GRM4: variants seen among roughly 807,000 people sequenced by gnomAD.
GRM4 encodes glutamate metabotropic receptor 4.
A neutral mutation model predicts 81.7 loss-of-function variants in GRM4; 28 were observed. The ratio of observed to expected loss-of-function variants is 0.34; its 90% confidence interval spans 0.25 to 0.47. The LOEUF (loss-of-function observed/expected upper bound fraction) is 0.47. GRM4 is among the 20% of genes least tolerant of loss of function. The pLI, the probability that GRM4 is intolerant of heterozygous loss-of-function variation, is 1.00. For missense variants in GRM4, 948 were observed against 1,290.0 expected (o/e 0.73, Z 4.06); for synonymous variants, 488 against 528.8 (o/e 0.92, Z 1.06).
At position 34,121,294 on chromosome 6, in the gene GRM4, C is replaced by G. The variant is rs1035671425; in HGVS notation, c.519+11684G>C. 1.3e-5 allele frequency among the ~76,000 whole-genome samples: 2 copies of G among 152,228 alleles called. No individual in the cohort carries two copies. Among genetic ancestry groups the G allele is most frequent in the Non-Finnish European group, 2.9e-5 (2 of 68,042 alleles). On this transcript the variant is annotated intron_variant, in intron 2 of 10. Coordinates refer to ENST00000538487, the MANE Select transcript of GRM4 (RefSeq NM_000841.4). The surrounding 1 kb of genome is among the most constrained non-coding windows in gnomAD (Gnocchi z 4.6). ...GGGATTAAGGGTTGTTCTCTTCCAG[C>G]TGCTCTGCTGTGGGGACCTCACTGG...
chr6:34,137,913 T>G (rs1770526562), intron 1 of GRM4, among the ~76,000 whole-genome samples: 1 of 152,068 alleles, frequency 6.6e-6, no homozygotes, highest in South Asian at 2.1e-4. Flanking sequence ...TAGTATAATA[T>G]TAACAAGCAG....
Position 34,133,338 on chromosome 6 carries a change from G to A in GRM4, c.159C>T (p.Gly53=). 1 of 1,614,082 alleles carries A rather than the reference G, an allele frequency of 6.2e-7. No homozygotes were observed. Among genetic ancestry groups the A allele is most frequent in the African/African-American group, 1.3e-5 (1 of 75,074 alleles). Residue 53 remains glycine (G), a synonymous_variant, in exon 2 of 11, where the codon GGC becomes GGT. Coordinates refer to ENST00000538487, the MANE Select transcript of GRM4 (RefSeq NM_000841.4). This position sits in a 1 kb window ranked among gnomAD's most constrained non-coding sequence, Gnocchi z 6.5. The part of the protein sequence containing the change: ...IRIDGDITLG[G]LFPVHGRGSE... ...AGCCCCGGCCATGCACCGGGAACAGGCCTCCCAGTGTGATGTCCCCATCTA... is the reference window on the plus strand; with the variant it reads ...AGCCCCGGCCATGCACCGGGAACAGACCTCCCAGTGTGATGTCCCCATCTA...
At chr6:34,023,363 C>A (rs1763982335) in intron 10 of GRM4, among the ~76,000 whole-genome samples, 1 of 152,184 alleles carries the variant, frequency 6.6e-6, no homozygotes, top group Non-Finnish European at 1.5e-5. Context: ...TTTGGATGCG[C>A]ACATGTAAGG....
chr6:34,119,560 C>T (rs754856869), intron 2 of GRM4, among the ~76,000 whole-genome samples: 9 of 152,318 alleles, frequency 5.9e-5, no homozygotes, highest in Non-Finnish European at 8.8e-5. Flanking sequence ...GAGGGCAATG[C>T]GGCCACGTAC....
At chr6:34,122,961 C>T (rs1353231192) in intron 2 of GRM4, among the ~76,000 whole-genome samples, 1 of 152,184 alleles carries the variant, frequency 6.6e-6, no homozygotes, top group Non-Finnish European at 1.5e-5. Context: ...CAGAAGGACA[C>T]GGCCCGAGCA....
rs1171528291 is a variant in GRM4, at chr6:34,152,896, G to A, written c.312+2183C>T. ...AGGTGGGGCATCTCAGGAGGGCCAGGGCCTGCAGAGACCCAGGCTGGGGGT... is the reference window on the plus strand; with the variant it reads ...AGGTGGGGCATCTCAGGAGGGCCAGAGCCTGCAGAGACCCAGGCTGGGGGT... On this transcript the variant is annotated intron_variant, in intron 1 of 8. Coordinates refer to the GRM4 transcript ENST00000374177. This position sits in a 1 kb window ranked among gnomAD's most constrained non-coding sequence, Gnocchi z 4.1. Among the ~76,000 whole-genome samples the A allele has an allele frequency of 1.3e-5, 2 of 152,082 alleles. No individual in the cohort carries two copies. Among genetic ancestry groups the A allele is most frequent in the Non-Finnish European group, 2.9e-5 (2 of 68,002 alleles).
intron 1 of GRM4, 114 bp downstream of exon 1, chr6:34,145,886 G>C: frequency 1.7e-6 from 1 of 573,238 alleles, no homozygotes; most frequent in Non-Finnish European, 2.2e-6. Context: ...GCGGCGCTCC[G>C]CCACCCCTCC....
rs375871942 is a variant in GRM4, at chr6:34,115,967, G to A, written c.519+17011C>T. Among the ~76,000 whole-genome samples, 5 of 152,308 alleles carry A rather than the reference G, an allele frequency of 3.3e-5. No homozygotes were observed. In the South Asian group the frequency reaches 1.0e-3, roughly 32 times the overall value. On this transcript the variant is annotated intron_variant, in intron 2 of 10. Transcript: ENST00000538487. This position sits in a 1 kb window ranked among gnomAD's most constrained non-coding sequence, Gnocchi z 4.1. ...GAGGGCTTTAATTACATACAAGTGG[G>A]TTTTCTGCGGCCTCGCCACCCCTAT...
chr6:34,047,137 A>G lies in GRM4; in HGVS notation c.1169-6389T>C, dbSNP rs1046496226. Reference sequence around the variant, plus strand: ...GGGGCCACTGGGAGGACTGAGGGAGATGCAACACCATGTCTTGTGCACAGA... The same window carrying G: ...GGGGCCACTGGGAGGACTGAGGGAGGTGCAACACCATGTCTTGTGCACAGA... On this transcript the variant is annotated intron_variant, in intron 6 of 10. Transcript: ENST00000538487. This position sits in a 1 kb window ranked among gnomAD's most constrained non-coding sequence, Gnocchi z 4.5. Among the ~76,000 whole-genome samples the G allele has an allele frequency of 1.3e-5, 2 of 152,052 alleles. No individual in the cohort carries two copies. The highest frequency in any genetic ancestry group is 2.9e-5 in the Non-Finnish European group (2 of 67,996).
chr6:34,139,278 C>T (rs959450016), intron 1 of GRM4, among the ~76,000 whole-genome samples: 1 of 152,250 alleles, frequency 6.6e-6, no homozygotes, highest in Non-Finnish European at 1.5e-5. Context: ...TCAGAGGCAA[C>T]TGGCTCTGTC....
chr6:34,095,912 C>T (rs1768494711), intron 2 of GRM4, among the ~76,000 whole-genome samples: 1 of 152,218 alleles, frequency 6.6e-6, no homozygotes, highest in East Asian at 1.9e-4. Context: ...GACAACCTGG[C>T]CCATGTGGGG....
At chr6:34,102,379 C>T (rs183027830) in intron 2 of GRM4, among the ~76,000 whole-genome samples, 82 of 152,344 alleles carry the variant, frequency 5.4e-4, no homozygotes, top group African/African-American at 1.9e-3. Flanking sequence ...GACTCGGCTC[C>T]AGTCACGCCA....
intron 3 of GRM4, among the ~76,000 whole-genome samples, chr6:34,072,084 A>G (rs951106883): frequency 1.7e-4 from 26 of 152,088 alleles, no homozygotes; most frequent in Non-Finnish European, 3.7e-4. Context: ...TACCACACAC[A>G]GACACACAAT....
rs575323042 is a variant in GRM4, at chr6:34,104,940, G to A, written c.520-12841C>T. Among the ~76,000 whole-genome samples the A allele has an allele frequency of 2.2e-4, 34 of 152,280 alleles. No homozygotes were observed. The East Asian group carries it at 6.6e-3, about 29-fold the overall frequency. On this transcript the variant is annotated intron_variant, in intron 2 of 10. Transcript: ENST00000538487. The stretch of plus-strand genomic sequence containing the variant: ...CAGGGGCGGGGCTGGGAAAACCTCA[G>A]TGTAGCGTCTGGGGTGTCGGTAACT...
At position 34,133,116 on chromosome 6, in the gene GRM4, G is replaced by A. The variant is rs141426985; in HGVS notation, c.381C>T (p.Ile127=). ...EQSLTFVQAL[I]EKDGTEVRCG... ...AGCGGACCTCTGTGCCATCCTTCTC[G>A]ATGAGCGCCTGCACAAAGGTCAGCG... Residue 127 remains isoleucine (I), a synonymous_variant, in exon 2 of 11, where the codon ATC becomes ATT. Transcript: ENST00000538487. This position sits in a 1 kb window ranked among gnomAD's most constrained non-coding sequence, Gnocchi z 6.5. The A allele has an allele frequency of 1.1e-4, 170 of 1,613,974 alleles. 1 individual carries two copies. The African/African-American group carries it at 1.1e-3, about 10-fold the overall frequency.
At position 34,133,683 on chromosome 6, in the gene GRM4, C is replaced by T. The variant is rs937483897; in HGVS notation, c.-187G>A. 1.4e-5 allele frequency: 20 copies of T among 1,408,372 alleles called. No homozygotes were observed. In the East Asian group the frequency reaches 1.8e-4, roughly 13 times the overall value. The allele number at this position is 1,408,372 out of a possible 1,614,324, so 87.2% of individuals were successfully genotyped here. A position where few individuals can be genotyped will look rare whatever the true frequency, so the allele number is the denominator to read the frequency against. On this transcript the variant is annotated 5_prime_UTR_variant, in exon 2 of 11. Transcript: ENST00000538487. This position sits in a 1 kb window ranked among gnomAD's most constrained non-coding sequence, Gnocchi z 6.5. ...GTCACTCGGGCCAAGCACAGTTGCC[C>T]GCACAGTCCAGGCCCACAGACAGCA...
chr6:34,058,910 G>A (rs955982104), intron 5 of GRM4, 64 bp downstream of exon 5: 50 of 1,316,582 alleles, frequency 3.8e-5, no homozygotes, highest in Non-Finnish European at 4.3e-5. Flanking sequence ...GAAGGAAGCC[G>A]AGGAGGGATG....
chr6:34,043,009 T>C (rs1029336543), intron 6 of GRM4, among the ~76,000 whole-genome samples: 4 of 151,960 alleles, frequency 2.6e-5, no homozygotes, highest in Admixed American at 2.6e-4. Context: ...GTAGAAACCA[T>C]AGAACCACAA....
chr6:34,024,645 G>A, intron 10 of GRM4: 1 of 455,932 alleles, frequency 2.2e-6, no homozygotes. Context: ...GAAGGTCAGG[G>A]TCCAGCTCAG....
Sources: gnomAD v4.1 joint callset for allele counts (sites outside exome capture counted in the v4.1 genomes callset) on GRCh38, gnomAD v4.1.1 for gene constraint, Gnocchi (gnomAD v3.1) non-coding constraint, MANE v1.5 for transcripts, NCBI Gene and HGNC (gene_info 2026-07-23, HGNC 2026-07-21) for gene names.